UTRN: variants seen among roughly 807,000 people sequenced by gnomAD.
The protein encoded by UTRN is utrophin, also known as dystrophin-related protein 1.
UTRN carries 283 observed loss-of-function variants against 463.9 expected under a neutral mutation model. That is an observed-to-expected ratio of 0.61 (90% CI 0.55 to 0.67). The LOEUF is 0.67. UTRN is among the 30% of genes least tolerant of loss of function. The pLI, the probability that UTRN is intolerant of heterozygous loss-of-function variation, is 0.00. For synonymous variants in UTRN, 1,442 were observed against 1,431.5 expected, an observed-to-expected ratio of 1.01 and a Z score of -0.17; for missense variants, 3,922 against 4,084.3, an observed-to-expected ratio of 0.96 and a Z score of 1.08.
At chr6:144,659,415 T>A (rs9390185) in intron 51 of UTRN, among the ~76,000 whole-genome samples, 4 of 152,178 alleles carry the variant, frequency 2.6e-5, no homozygotes, top group Admixed American at 2.6e-4. Context: ...TGCTCTCCCC[T>A]GCCACAAAGC....
At chr6:144,502,608 A>C (rs1794302398) in intron 34 of UTRN, among the ~76,000 whole-genome samples, 1 of 152,190 alleles carries the variant, frequency 6.6e-6, no homozygotes, top group Middle Eastern at 3.2e-3. Context: ...TAATAGCTAC[A>C]TAGTATTCCA....
chr6:144,397,650 G>C (rs1023176041), intron 2 of UTRN, among the ~76,000 whole-genome samples: 1 of 151,784 alleles, frequency 6.6e-6, no homozygotes, highest in Non-Finnish European at 1.5e-5. Context: ...TTGAGTCTGA[G>C]GCTGAAATGA....
intron 51 of UTRN, chr6:144,583,630 G>A (rs750920983): frequency 1.6e-6 from 1 of 628,916 alleles, no homozygotes; most frequent in Non-Finnish European, 3.0e-6. Context: ...TAAGGATCTC[G>A]GGTGTCTGAC....
At chr6:144,291,512 T>G (rs766326931) in intron 1 of UTRN, among the ~76,000 whole-genome samples, 1 of 152,228 alleles carries the variant, frequency 6.6e-6, no homozygotes, top group East Asian at 1.9e-4. Context: ...TCTGTCAGTA[T>G]TGTAATGAAA....
intron 2 of UTRN, among the ~76,000 whole-genome samples, chr6:144,325,808 T>C (rs1234488665): frequency 6.6e-6 from 1 of 151,958 alleles, no homozygotes; most frequent in Admixed American, 6.6e-5. Flanking sequence ...TTAGGGGAAA[T>C]AGGAATGTGG....
intron 65 of UTRN, among the ~76,000 whole-genome samples, chr6:144,814,176 G>T (rs1778875559): frequency 6.6e-6 from 1 of 152,152 alleles, no homozygotes; most frequent in Admixed American, 6.5e-5. Flanking sequence ...TAGGTCATGA[G>T]GATGGAGCTG....
Position 144,473,848 on chromosome 6 carries a change from T to G in UTRN, c.3180+15T>G. ...ACCAGTGCTCTGTGAGTTCTGCTGA[T>G]CTGGGGAACTTGTCATAAATAACAT... On this transcript the variant is annotated intron_variant, in intron 24 of 74. Coordinates refer to ENST00000367545, the MANE Select transcript of UTRN (RefSeq NM_007124.3). The G allele has an allele frequency of 4.5e-6, 7 of 1,568,408 alleles. No homozygotes were observed. Among genetic ancestry groups the G allele is most frequent in the Non-Finnish European group, 6.1e-6 (7 of 1,144,642 alleles).
intron 2 of UTRN, among the ~76,000 whole-genome samples, chr6:144,321,124 A>G (rs1470134931): frequency 6.6e-6 from 1 of 152,184 alleles, no homozygotes; most frequent in Admixed American, 6.5e-5. Context: ...TTTGATGTAT[A>G]AGAAGTATTG....
chr6:144,660,873 C>T (rs1358357273), intron 51 of UTRN, among the ~76,000 whole-genome samples: 3 of 152,158 alleles, frequency 2.0e-5, no homozygotes, highest in African/African-American at 4.8e-5. Context: ...ATTAAATGTG[C>T]GTGTAGCTCT....
At chr6:144,378,871 G>A (rs899544738) in intron 2 of UTRN, among the ~76,000 whole-genome samples, 1 of 152,226 alleles carries the variant, frequency 6.6e-6, no homozygotes, top group Non-Finnish European at 1.5e-5. Flanking sequence ...TGGAACTGAA[G>A]AGATGTGGAT....
intron 61 of UTRN, among the ~76,000 whole-genome samples, chr6:144,782,635 T>TA (rs1314700906): frequency 3.0e-5 from 4 of 134,126 alleles, no homozygotes; most frequent in African/African-American, 1.3e-4. Context: ...TGTATATATA[T>TA]ATAATATATA....
intron 43 of UTRN, 99 bp downstream of exon 43, chr6:144,533,359 A>G: frequency 1.3e-6 from 2 of 1,496,318 alleles, no homozygotes; most frequent in Admixed American, 2.4e-5. Flanking sequence ...GTTTGACATT[A>G]TAATAGGAAT....
intron 51 of UTRN, among the ~76,000 whole-genome samples, chr6:144,654,276 A>G (rs1280516412): frequency 2.0e-5 from 3 of 152,258 alleles, no homozygotes; most frequent in African/African-American, 4.8e-5. Context: ...CAGTAGCTCC[A>G]CAATGAATGG....
chr6:144,426,158 A>C, intron 6 of UTRN, 129 bp from the exon 7 acceptor site: 1 of 1,162,560 alleles, frequency 8.6e-7, no homozygotes, highest in Non-Finnish European at 1.2e-6. Flanking sequence ...CTGAAGTAAA[A>C]TGAATGCCAG....
intron 41 of UTRN, among the ~76,000 whole-genome samples, chr6:144,529,520 T>A (rs1327563744): frequency 6.6e-6 from 1 of 152,232 alleles, no homozygotes; most frequent in Non-Finnish European, 1.5e-5. Flanking sequence ...ATGTTTGTAT[T>A]TTCAAAGTCT....
intron 54 of UTRN, among the ~76,000 whole-genome samples, chr6:144,731,169 T>C (rs965258209): frequency 3.9e-5 from 6 of 151,920 alleles, no homozygotes; most frequent in Non-Finnish European, 5.9e-5. Flanking sequence ...CCAAATACTT[T>C]TCTTTTACAA....
At position 144,577,217 on chromosome 6, in the gene UTRN, G is replaced by C. The variant is rs116467671; in HGVS notation, c.7408G>C (p.Val2470Leu). The change falls in exon 51 of 75, where the codon GTG becomes CTG. Residue 2470 changes from valine (V) to leucine (L), a missense_variant. Val to Leu is a conservative substitution (Grantham distance 32). Around this residue, in one of 3 missense-constraint regions of UTRN, gnomAD observed 1,309 missense variants for 1,452.6 expected, o/e 0.90. Coordinates refer to ENST00000367545, the MANE Select transcript of UTRN (RefSeq NM_007124.3). ...AGCAGAGACCACAGTGAATGTGCTTGTGGATGCCTCTCATCGGGAGAATGC... is the reference window on the plus strand; with the variant it reads ...AGCAGAGACCACAGTGAATGTGCTTCTGGATGCCTCTCATCGGGAGAATGC... The part of the protein sequence containing the change: ...QEAETTVNVL[V>L]DASHRENALQ... 6.2e-6 allele frequency: 10 copies of C among 1,614,012 alleles called. No individual in the cohort carries two copies. The African/African-American group carries it at 1.1e-4, about 17-fold the overall frequency.
intron 2 of UTRN, among the ~76,000 whole-genome samples, chr6:144,378,949 A>C (rs1780688659): frequency 6.6e-6 from 1 of 152,194 alleles, no homozygotes; most frequent in Non-Finnish European, 1.5e-5. Flanking sequence ...GTGGTATTAG[A>C]AGAAAGGATT....
chr6:144,487,533 C>T lies in UTRN; in HGVS notation c.3823-15C>T. 5 of 1,559,032 alleles carry T rather than the reference C, an allele frequency of 3.2e-6. No homozygotes were observed. Among genetic ancestry groups the T allele is most frequent in the South Asian group, 2.4e-5 (2 of 82,134 alleles). ...GTAAATGCATTATTATTTTTTTTTC[C>T]CATCTCCATTCCAGTCTCTGGAATC... On this transcript the variant is annotated splice_polypyrimidine_tract_variant and intron_variant, in intron 28 of 74. Transcript: ENST00000367545.
Sources: gnomAD v4.1 joint callset for allele counts (sites outside exome capture counted in the v4.1 genomes callset) on GRCh38, gnomAD v4.1.1 for gene constraint, gnomAD v4.1.1 regional missense constraint, MANE v1.5 for transcripts, NCBI Gene and HGNC (gene_info 2026-07-23, HGNC 2026-07-21) for gene names.